STRN: variants seen among roughly 807,000 people sequenced by gnomAD.
STRN encodes striatin.
STRN carries 53 observed loss-of-function variants against 96.3 expected under a neutral mutation model. That is an observed-to-expected ratio of 0.55 (90% confidence interval 0.44 to 0.69). The LOEUF is 0.69. Ranked by LOEUF, STRN falls within the 30% of genes least tolerant of loss-of-function variation. The pLI, the probability that STRN is intolerant of heterozygous loss-of-function variation, is 0.00. For synonymous variants in STRN, 428 were observed against 355.9 expected (o/e 1.20, Z -2.28); for missense variants, 987 against 963.9 (o/e 1.02, Z -0.32).
At chr2:36,950,896 C>A (rs1290972948) in intron 1 of STRN, among the ~76,000 whole-genome samples, 1 of 152,102 alleles carries the variant, frequency 6.6e-6, no homozygotes, top group Non-Finnish European at 1.5e-5. Flanking sequence ...TACAGTGTTT[C>A]AGTGTAAGTT....
chr2:36,964,822 C>G (rs1439781189), intron 1 of STRN, among the ~76,000 whole-genome samples: 1 of 152,194 alleles, frequency 6.6e-6, no homozygotes, highest in East Asian at 1.9e-4. Context: ...CTGTTTGCCT[C>G]TCCACTAAAA....
intron 7 of STRN, among the ~76,000 whole-genome samples, chr2:36,890,954 G>A (rs1026714803): frequency 1.3e-5 from 2 of 152,050 alleles, no homozygotes; most frequent in Non-Finnish European, 2.9e-5. Flanking sequence ...TACACTACAG[G>A]TGACTATCCC....
intron 10 of STRN, among the ~76,000 whole-genome samples, chr2:36,870,685 C>A (rs919963155): frequency 2.6e-5 from 4 of 152,152 alleles, no homozygotes; most frequent in Non-Finnish European, 5.9e-5. Context: ...GAACACAATA[C>A]TGGATAATGA....
intron 1 of STRN, among the ~76,000 whole-genome samples, chr2:36,925,434 A>G (rs148616329): frequency 0.013 from 1,942 of 152,302 alleles, 20 homozygotes; most frequent in Non-Finnish European, 0.02. Context: ...ACTTCAGGGT[A>G]GGGATTTTAC....
chr2:36,889,236 G>C (rs900758955), intron 7 of STRN, among the ~76,000 whole-genome samples: 3 of 152,090 alleles, frequency 2.0e-5, no homozygotes, highest in African/African-American at 7.2e-5. Flanking sequence ...ATAATAAACA[G>C]AAATCTGTTT....
intron 4 of STRN, among the ~76,000 whole-genome samples, chr2:36,904,248 A>G (rs942980942): frequency 6.6e-6 from 1 of 152,258 alleles, no homozygotes; most frequent in East Asian, 1.9e-4. Flanking sequence ...TATCTAGATC[A>G]AAAAATACAT....
chr2:36,909,845 T>C (rs1669918338), intron 3 of STRN, among the ~76,000 whole-genome samples: 1 of 152,138 alleles, frequency 6.6e-6, no homozygotes, highest in South Asian at 2.1e-4. Flanking sequence ...CAACAGGAGA[T>C]ATCTCATCAG....
At chr2:36,943,339 A>T (rs1326748589) in intron 1 of STRN, among the ~76,000 whole-genome samples, 1 of 151,722 alleles carries the variant, frequency 6.6e-6, no homozygotes, top group Non-Finnish European at 1.5e-5. Context: ...AAGCAAAAAC[A>T]TCTATTTTGG....
At chr2:36,955,875 AAAAT>A (rs1378145410) in intron 1 of STRN, among the ~76,000 whole-genome samples, 12 of 152,212 alleles carry the variant, frequency 7.9e-5, no homozygotes, top group Admixed American at 3.9e-4. Context: ...GTCTAAACAC[AAAAT>A]TCATTTATGT....
At chr2:36,881,111 C>T (rs1037426789) in intron 9 of STRN, among the ~76,000 whole-genome samples, 7 of 144,804 alleles carry the variant, frequency 4.8e-5, no homozygotes, top group African/African-American at 1.8e-4. Flanking sequence ...AAATGTGACA[C>T]TGCCTTCTTT....
intron 1 of STRN, among the ~76,000 whole-genome samples, chr2:36,964,284 T>A (rs920349174): frequency 6.6e-6 from 1 of 151,292 alleles, no homozygotes; most frequent in Non-Finnish European, 1.5e-5. Flanking sequence ...TTTTTTTTTT[T>A]TAACCAAATT....
At chr2:36,966,041 AC>A (rs1665150457) in intron 1 of STRN, among the ~76,000 whole-genome samples, 188 bp downstream of exon 1, 1 of 151,482 alleles carries the variant, frequency 6.6e-6, no homozygotes, top group Non-Finnish European at 1.5e-5. Context: ...GGGAGTGAGA[AC>A]AGGGTCGAGG....
At chr2:36,899,037 G>A (rs563125969) in intron 6 of STRN, among the ~76,000 whole-genome samples, 1 of 152,218 alleles carries the variant, frequency 6.6e-6, no homozygotes, top group Admixed American at 6.5e-5. Flanking sequence ...AAGTCAATAA[G>A]CTTATCAACA....
At chr2:36,892,598 A>T (rs1669429325) in intron 7 of STRN, among the ~76,000 whole-genome samples, 1 of 152,216 alleles carries the variant, frequency 6.6e-6, no homozygotes. Flanking sequence ...AGTTATTCAC[A>T]CAACATGAAG....
intron 1 of STRN, among the ~76,000 whole-genome samples, chr2:36,957,746 T>TTTTG (rs1558669965): frequency 2.7e-4 from 19 of 70,634 alleles, no homozygotes; most frequent in South Asian, 6.0e-4. Flanking sequence ...CTTTTTGTCT[T>TTTTG]TTTTTTTTTT....
chr2:36,851,222 C>A (rs776520653), intron 15 of STRN, 115 bp from the exon 16 acceptor site: 2 of 800,546 alleles, frequency 2.5e-6, no homozygotes, highest in African/African-American at 1.8e-5. Flanking sequence ...CGGTGGCTCA[C>A]GCCTGTAATC....
chr2:36,890,664 A>G lies in STRN; in HGVS notation c.931+3234T>C, dbSNP rs553217129. Among the ~76,000 whole-genome samples the G allele has an allele frequency of 1.7e-4, 26 of 151,896 alleles. 1 individual carries two copies. The South Asian group carries it at 4.6e-3, about 27-fold the overall frequency. ...ATGCCCAGCTAATTTTCATATTTTT[A>G]GTAGAGATGGGGTTTCACCAGGTTA... On this transcript the variant is annotated intron_variant, in intron 7 of 17. Transcript: ENST00000263918.
intron 1 of STRN, among the ~76,000 whole-genome samples, chr2:36,955,028 T>C (rs1664850031): frequency 6.6e-6 from 1 of 152,246 alleles, no homozygotes; most frequent in Admixed American, 6.5e-5. Context: ...TAAATTATTC[T>C]ACTCGAAGAA....
chr2:36,927,328 C>T (rs554919150), intron 1 of STRN, among the ~76,000 whole-genome samples: 14 of 151,748 alleles, frequency 9.2e-5, no homozygotes, highest in African/African-American at 3.1e-4. Flanking sequence ...TGCAACATAG[C>T]GAGACCACGT....
Sources: gnomAD v4.1 joint callset for allele counts (sites outside exome capture counted in the v4.1 genomes callset) on GRCh38, gnomAD v4.1.1 for gene constraint, MANE v1.5 for transcripts, NCBI Gene and HGNC (gene_info 2026-07-23, HGNC 2026-07-21) for gene names.